Variants in PDZRN4 observed in about 807,000 individuals in gnomAD.
PDZRN4 encodes the protein PDZ domain containing ring finger 4.
In PDZRN4, 70 loss-of-function variants were observed where a neutral mutation model predicts 99.0. The observed-to-expected ratio is 0.71, with a 90% CI of 0.58 to 0.86. The LOEUF is 0.86. Among genes scored for constraint, PDZRN4 ranks in the 40% least tolerant of loss-of-function variants. The pLI, the probability that PDZRN4 is intolerant of heterozygous loss-of-function variation, is 0.00. For missense variants in PDZRN4, 1,474 were observed against 1,331.2 expected, an observed-to-expected ratio of 1.11 and a Z score of -1.67; for synonymous variants, 551 against 501.6, an observed-to-expected ratio of 1.10 and a Z score of -1.32.
chr12:41,437,730 C>T (rs1952642992), intron 3 of PDZRN4: 3 of 1,450,918 alleles, frequency 2.1e-6, no homozygotes, highest in Admixed American at 2.7e-5. Flanking sequence ...TGTGTGTATC[C>T]GTGAGTGCAA....
intron 3 of PDZRN4, among the ~76,000 whole-genome samples, chr12:41,315,035 A>C (rs1299014733): frequency 6.6e-6 from 1 of 152,152 alleles, no homozygotes; most frequent in Admixed American, 6.6e-5. Context: ...AGTGGTGTAC[A>C]CTAAGCCAAA....
At chr12:41,503,647 G>C (rs761859211) in intron 3 of PDZRN4, among the ~76,000 whole-genome samples, 1 of 151,946 alleles carries the variant, frequency 6.6e-6, no homozygotes, top group Admixed American at 6.6e-5. Flanking sequence ...CTGTTGCTTC[G>C]AAGATCACTG....
At chr12:41,355,147 C>T (rs1951917772) in intron 3 of PDZRN4, among the ~76,000 whole-genome samples, 1 of 152,010 alleles carries the variant, frequency 6.6e-6, no homozygotes, top group Non-Finnish European at 1.5e-5. Flanking sequence ...GGGGAAAGGA[C>T]TGAGAAATCG....
At chr12:41,540,209 TG>T (rs1019532902) in intron 5 of PDZRN4, among the ~76,000 whole-genome samples, 1 of 152,218 alleles carries the variant, frequency 6.6e-6, no homozygotes, top group African/African-American at 2.4e-5. Context: ...CAACATTTTT[TG>T]TTATTATACA....
chr12:41,548,874 T>G (rs983057523), intron 5 of PDZRN4, among the ~76,000 whole-genome samples: 1 of 152,230 alleles, frequency 6.6e-6, no homozygotes, highest in Non-Finnish European at 1.5e-5. Context: ...ATTAGAAAGA[T>G]GTTTCACAGC....
intron 3 of PDZRN4, among the ~76,000 whole-genome samples, chr12:41,346,794 C>A (rs529498618): frequency 1.0e-3 from 153 of 152,114 alleles, no homozygotes; most frequent in African/African-American, 3.0e-3. Context: ...TAAAGAAACC[C>A]CATACTATTA....
At chr12:41,571,633 A>G (rs1939481772) in intron 9 of PDZRN4, among the ~76,000 whole-genome samples, 1 of 152,114 alleles carries the variant, frequency 6.6e-6, no homozygotes, top group African/African-American at 2.4e-5. Context: ...GCTTTTGAGA[A>G]ACATGATTTA....
chr12:41,560,615 A>G (rs991814462), intron 7 of PDZRN4, among the ~76,000 whole-genome samples: 1 of 152,076 alleles, frequency 6.6e-6, no homozygotes, highest in Non-Finnish European at 1.5e-5. Flanking sequence ...TGACGTGACT[A>G]CTCATCTGTC....
chr12:41,396,822 A>G (rs1432122676), intron 3 of PDZRN4, among the ~76,000 whole-genome samples: 1 of 152,206 alleles, frequency 6.6e-6, no homozygotes, highest in Non-Finnish European at 1.5e-5. Flanking sequence ...AATCATATTG[A>G]AAAGTATTTT....
At chr12:41,344,112 T>C (rs1442946434) in intron 3 of PDZRN4, among the ~76,000 whole-genome samples, 2 of 152,160 alleles carry the variant, frequency 1.3e-5, no homozygotes, top group Admixed American at 1.3e-4. Flanking sequence ...TTAGAATCTA[T>C]ACTGGTGATC....
At chr12:41,478,057 A>T in intron 3 of PDZRN4, 1 of 622,768 alleles carries the variant, frequency 1.6e-6, no homozygotes, top group Non-Finnish European at 2.8e-6. Context: ...TCCCCCAATA[A>T]TATATTTTAT....
At chr12:41,242,947 G>C (rs1240669964) in intron 3 of PDZRN4, among the ~76,000 whole-genome samples, 1 of 152,118 alleles carries the variant, frequency 6.6e-6, no homozygotes, top group Non-Finnish European at 1.5e-5. Context: ...TAAACTTCTG[G>C]CTCCTCTTTT....
intron 3 of PDZRN4, among the ~76,000 whole-genome samples, chr12:41,375,973 A>C (rs1412578524): frequency 6.6e-6 from 1 of 152,180 alleles, no homozygotes; most frequent in Non-Finnish European, 1.5e-5. Context: ...TCAATTCCAC[A>C]TATAAGCAGG....
intron 4 of PDZRN4, among the ~76,000 whole-genome samples, chr12:41,508,798 G>A (rs1198435880): frequency 6.6e-6 from 1 of 152,150 alleles, no homozygotes; most frequent in African/African-American, 2.4e-5. Flanking sequence ...ACTATAGTAT[G>A]AGGGCATGAG....
At chr12:41,338,500 A>C (rs1480762270) in intron 3 of PDZRN4, among the ~76,000 whole-genome samples, 1 of 152,058 alleles carries the variant, frequency 6.6e-6, no homozygotes, top group Non-Finnish European at 1.5e-5. Flanking sequence ...AAAACAATTC[A>C]AAAGATCAAC....
intron 3 of PDZRN4, among the ~76,000 whole-genome samples, chr12:41,217,175 G>A (rs2120714256): frequency 6.6e-6 from 1 of 152,172 alleles, no homozygotes; most frequent in Admixed American, 6.6e-5. Context: ...TCAGTCTTCA[G>A]GTTCAAGCAG....
intron 3 of PDZRN4, among the ~76,000 whole-genome samples, chr12:41,314,198 C>G (rs1951624610): frequency 6.6e-6 from 1 of 152,164 alleles, no homozygotes; most frequent in Non-Finnish European, 1.5e-5. Flanking sequence ...ATACCCTCCT[C>G]TTCTAGCAGC....
intron 3 of PDZRN4, among the ~76,000 whole-genome samples, chr12:41,421,561 C>A (rs577708826): frequency 6.6e-6 from 1 of 152,148 alleles, no homozygotes; most frequent in Non-Finnish European, 1.5e-5. Flanking sequence ...TACATGGAAA[C>A]CTTTAGTAGC....
intron 5 of PDZRN4, among the ~76,000 whole-genome samples, chr12:41,521,418 C>T (rs966954565): frequency 2.0e-5 from 3 of 151,994 alleles, no homozygotes; most frequent in African/African-American, 7.2e-5. Context: ...AAAAGTTATA[C>T]ATTGTATAAG....
Sources: allele counts gnomAD v4.1 joint callset (sites outside exome capture counted in the v4.1 genomes callset), GRCh38; gene constraint gnomAD v4.1.1; transcripts MANE v1.5; gene names NCBI Gene and HGNC (gene_info 2026-07-23, HGNC 2026-07-21).